The following MYH11 variants were observed in gnomAD, a reference collection of about 807,000 sequenced individuals.
MYH11 encodes myosin-11.
MYH11 carries 80 observed loss-of-function variants against 246.6 expected under a neutral mutation model. The observed-to-expected ratio is 0.32, with a 90% CI of 0.27 to 0.39. MYH11 has a LOEUF of 0.39. MYH11 is among the 10% of genes least tolerant of loss of function. The probability of loss-of-function intolerance (pLI) is 1.00; values close to 1 mark genes in which losing one functional copy is unlikely to be tolerated. For missense variants in MYH11, 2,158 were observed against 2,546.8 expected, an observed-to-expected ratio of 0.85 and a Z score of 3.29; for synonymous variants, 1,071 against 1,015.5, an observed-to-expected ratio of 1.05 and a Z score of -1.04.
intron 28 of MYH11, 138 bp downstream of exon 28, chr16:15,726,710 C>A: frequency 1.0e-6 from 1 of 1,002,468 alleles, no homozygotes; most frequent in South Asian, 1.3e-5. Context: ...AGATCATCGC[C>A]TCTCCTCCAG....
At chr16:15,831,489 G>A (rs962575215) in intron 2 of MYH11, among the ~76,000 whole-genome samples, 5 of 151,850 alleles carry the variant, frequency 3.3e-5, no homozygotes, top group African/African-American at 4.8e-5. Flanking sequence ...GTGTGTGTGT[G>A]TGTGTGTGTA....
chr16:15,705,831 A>G (rs909378718), intron 40 of MYH11, among the ~76,000 whole-genome samples: 44 of 151,800 alleles, frequency 2.9e-4, no homozygotes, highest in Non-Finnish European at 1.5e-4. Flanking sequence ...AATACAAAAA[A>G]TTAGCCGGGC....
intron 14 of MYH11, 117 bp from the exon 15 acceptor site, chr16:15,753,625 A>T: frequency 1.3e-6 from 1 of 797,658 alleles, no homozygotes; most frequent in Non-Finnish European, 2.2e-6. Context: ...AGAGGAAATG[A>T]CGTTTATGAC....
At chr16:15,769,143 T>C (rs774675303) in intron 9 of MYH11, among the ~76,000 whole-genome samples, 6 of 152,108 alleles carry the variant, frequency 3.9e-5, no homozygotes, top group Non-Finnish European at 8.8e-5. Context: ...CGAGACCCAG[T>C]ATCTACTAAA....
intron 4 of MYH11, among the ~76,000 whole-genome samples, chr16:15,788,158 C>T (rs1027706217): frequency 1.4e-5 from 2 of 143,168 alleles, no homozygotes; most frequent in East Asian, 2.1e-4. Flanking sequence ...ACAATGGAAC[C>T]GCTCCATCCA....
chr16:15,769,182 G>C (rs1278975721), intron 9 of MYH11, among the ~76,000 whole-genome samples: 1 of 152,180 alleles, frequency 6.6e-6, no homozygotes, highest in Non-Finnish European at 1.5e-5. Context: ...GGGGCATGGT[G>C]GTGGGCGCCT....
intron 31 of MYH11, 74 bp downstream of exon 31, chr16:15,724,087 G>A (rs970951987): frequency 1.0e-5 from 16 of 1,604,006 alleles, no homozygotes; most frequent in African/African-American, 1.3e-5. Flanking sequence ...CCAGAGCCAC[G>A]CGTCATACTC....
rs1375655909 is a variant in MYH11, at chr16:15,814,576, AAAAAAAAAG to A, written c.502+8670_502+8678del. 2.8e-4 allele frequency among the ~76,000 whole-genome samples: 32 copies of A among 115,196 alleles called. 1 individual carries two copies. The highest frequency in any genetic ancestry group is 9.6e-4 in the African/African-American group (31 of 32,262). The allele number at this position is 115,196 out of a possible 152,430, so 75.6% of individuals were successfully genotyped here. A position where few individuals can be genotyped will look rare whatever the true frequency, so the allele number is the denominator to read the frequency against. On this transcript the variant is annotated intron_variant, in intron 3 of 40. Coordinates refer to ENST00000300036, the MANE Select transcript of MYH11 (RefSeq NM_002474.3). Reference sequence around the variant, plus strand: ...CTCAAAAAAAAAAAAAAAAAAAAAAAAAAAAAAAGGTACCAAGAAAAAAGTCTAGGTGAG... The same window carrying A: ...CTCAAAAAAAAAAAAAAAAAAAAAAAGTACCAAGAAAAAAGTCTAGGTGAG...
In MYH11 at chr16:15,714,428, C is replaced by G. The variant is rs537785070; in HGVS notation, c.5786+481G>C. The G allele has an allele frequency of 1.7e-4, 32 of 192,724 alleles. 1 individual carries two copies. The highest frequency in any genetic ancestry group is 2.5e-3 in the Middle Eastern group (1 of 402). The allele number at this position is 192,724 out of a possible 1,614,324, so 11.9% of individuals were successfully genotyped here. On this transcript the variant is annotated intron_variant, in intron 40 of 40. Transcript: ENST00000300036. ...TAAGCACCTGCTACTTTTCAGGGAT[C>G]TTTTTCCTTCTGATGGGGAATGTCG...
intron 19 of MYH11, 24 bp from the exon 20 acceptor site, chr16:15,745,261 G>A: frequency 6.4e-7 from 1 of 1,560,598 alleles, no homozygotes; most frequent in Non-Finnish European, 8.8e-7. Flanking sequence ...AAGAGAAGGT[G>A]CGGGGGTCAT....
At chr16:15,834,881 C>G (rs1430855973) in intron 2 of MYH11, among the ~76,000 whole-genome samples, 2 of 148,266 alleles carry the variant, frequency 1.3e-5, no homozygotes, top group African/African-American at 5.0e-5. Context: ...CCAGCCTGGG[C>G]AATATAGTGA....
intron 9 of MYH11, 40 bp from the exon 10 acceptor site, chr16:15,763,931 A>G (rs1375290560): frequency 7.2e-6 from 11 of 1,531,738 alleles, no homozygotes; most frequent in Non-Finnish European, 9.9e-6. Context: ...CACAAAGGTC[A>G]ATGCCAAGGT....
chr16:15,842,527 C>T (rs1332679164), intron 1 of MYH11, among the ~76,000 whole-genome samples: 1 of 151,750 alleles, frequency 6.6e-6, no homozygotes, highest in Non-Finnish European at 1.5e-5. Flanking sequence ...TTTGTTGGGG[C>T]TGAGGTAGGA....
At chr16:15,742,971 T>C (rs919602706) in intron 20 of MYH11, among the ~76,000 whole-genome samples, 1 of 148,916 alleles carries the variant, frequency 6.7e-6, no homozygotes, top group African/African-American at 2.5e-5. Flanking sequence ...CATGCCACAG[T>C]GTCCAACTAG....
At chr16:15,724,070 G>A (rs949462185) in intron 31 of MYH11, 91 bp downstream of exon 31, 11 of 1,593,806 alleles carry the variant, frequency 6.9e-6, no homozygotes, top group Admixed American at 1.7e-5. Flanking sequence ...GGGGATGCAG[G>A]CACAGGCCAG....
intron 25 of MYH11, 107 bp downstream of exon 25, chr16:15,737,342 A>G: frequency 6.7e-7 from 1 of 1,485,648 alleles, no homozygotes. Context: ...GTTCATGCCA[A>G]GGGCCTGGGG....
chr16:15,719,768 G>A, intron 34 of MYH11, 55 bp from the exon 35 acceptor site: 1 of 1,611,966 alleles, frequency 6.2e-7, no homozygotes, highest in Non-Finnish European at 8.5e-7. Context: ...CCCAAGTTCT[G>A]CTGCCCAGTT....
intron 6 of MYH11, among the ~76,000 whole-genome samples, chr16:15,779,669 C>T (rs1188178030): frequency 6.6e-6 from 1 of 152,206 alleles, no homozygotes; most frequent in East Asian, 1.9e-4. Flanking sequence ...ATTGGCCACA[C>T]TGCCCAAGCA....
chr16:15,838,078 C>A lies in MYH11; in HGVS notation c.175G>T (p.Val59Phe). Reference sequence around the variant, plus strand: ...TTGCCATTCTCCACCAGCTCCACAACCACCTCATCCCCCTTCTCCTCCTTA... The same window carrying A: ...TTGCCATTCTCCACCAGCTCCACAAACACCTCATCCCCCTTCTCCTCCTTA... The part of the protein sequence containing the change: ...SIKEEKGDEV[V>F]VELVENGKKV... Residue 59 changes from valine (V) to phenylalanine (F), a missense_variant, in exon 2 of 41, where the codon GTT becomes TTT. By Grantham distance (50) the Val-to-Phe change is conservative. Coordinates refer to ENST00000300036, the MANE Select transcript of MYH11 (RefSeq NM_002474.3). The A allele has an allele frequency of 6.2e-7, 1 of 1,614,142 alleles. No homozygotes were observed. The highest frequency in any genetic ancestry group is 8.5e-7 in the Non-Finnish European group (1 of 1,180,038).
Sources: gnomAD v4.1 joint callset for allele counts (sites outside exome capture counted in the v4.1 genomes callset) on GRCh38, gnomAD v4.1.1 for gene constraint, MANE v1.5 for transcripts, NCBI Gene and HGNC (gene_info 2026-07-23, HGNC 2026-07-21) for gene names.